Variants in JMJD1C observed in about 807,000 individuals in gnomAD.
JMJD1C encodes the protein jumonji domain-containing protein 1C.
Under a neutral mutation model 245.3 loss-of-function variants are expected in JMJD1C, and 31 were observed. That is an observed-to-expected ratio of 0.13 (90% CI 0.09 to 0.17). The LOEUF is 0.17. Ranked by LOEUF, JMJD1C falls within the 10% of genes least tolerant of loss-of-function variation. JMJD1C has a pLI of 1.00. For missense variants in JMJD1C, 2,691 were observed against 3,000.2 expected (o/e 0.90, Z 2.41); for synonymous variants, 1,057 against 1,017.4 (o/e 1.04, Z -0.74).
chr10:63,517,700 C>T (rs1032235487), intron 1 of JMJD1C, among the ~76,000 whole-genome samples: 5 of 151,960 alleles, frequency 3.3e-5, no homozygotes, highest in Non-Finnish European at 7.4e-5. Context: ...ACTATAAAAG[C>T]TTCTAGGCAG....
intron 2 of JMJD1C, among the ~76,000 whole-genome samples, chr10:63,293,059 AAAAC>A (rs1003217965): frequency 2.0e-5 from 3 of 152,146 alleles, no homozygotes; most frequent in African/African-American, 4.8e-5. Flanking sequence ...ACAAACAAAC[AAAAC>A]AAACAAACCA....
chr10:63,206,086 G>T (rs992578292), intron 10 of JMJD1C, among the ~76,000 whole-genome samples: 2 of 152,162 alleles, frequency 1.3e-5, no homozygotes, highest in Non-Finnish European at 1.5e-5. Flanking sequence ...TTTGGTATCC[G>T]TGGGGGCGTC....
intron 9 of JMJD1C, 23 bp from the exon 10 acceptor site, chr10:63,208,824 T>C (rs1228128931): frequency 1.3e-6 from 2 of 1,533,942 alleles, no homozygotes. Flanking sequence ...TACACAAATA[T>C]TTCTGTAACC....
At chr10:63,237,858 T>C (rs1850932936) in intron 3 of JMJD1C, among the ~76,000 whole-genome samples, 1 of 151,604 alleles carries the variant, frequency 6.6e-6, no homozygotes, top group Admixed American at 6.6e-5. Flanking sequence ...ACATAAGAAA[T>C]GTGTTAAATT....
chr10:63,394,132 A>T (rs994337347), intron 1 of JMJD1C, among the ~76,000 whole-genome samples: 8 of 149,682 alleles, frequency 5.3e-5, no homozygotes, highest in Non-Finnish European at 1.0e-4. Context: ...GGTTATAGTG[A>T]GCCGAGACTG....
chr10:63,319,751 T>C (rs1257172284), intron 2 of JMJD1C, among the ~76,000 whole-genome samples: 4 of 152,200 alleles, frequency 2.6e-5, no homozygotes, highest in Non-Finnish European at 4.4e-5. Flanking sequence ...AATTCTGTTA[T>C]TCATCTTTTT....
intron 1 of JMJD1C, among the ~76,000 whole-genome samples, chr10:63,386,764 C>A (rs1051573017): frequency 6.6e-6 from 1 of 152,178 alleles, no homozygotes; most frequent in Non-Finnish European, 1.5e-5. Flanking sequence ...CTGACATCAA[C>A]TATGCCACGC....
chr10:63,226,955 C>A (rs932987427), intron 3 of JMJD1C, among the ~76,000 whole-genome samples: 1 of 152,016 alleles, frequency 6.6e-6, no homozygotes, highest in Non-Finnish European at 1.5e-5. Context: ...ATAATCCCAG[C>A]TACTCGGGAG....
At chr10:63,386,424 T>C (rs967795982) in intron 1 of JMJD1C, among the ~76,000 whole-genome samples, 2 of 152,130 alleles carry the variant, frequency 1.3e-5, no homozygotes, top group African/African-American at 4.8e-5. Context: ...AGTCTGGGGA[T>C]CATGCCACCC....
At chr10:63,297,242 A>G (rs117253598) in intron 2 of JMJD1C, among the ~76,000 whole-genome samples, 129 of 152,356 alleles carry the variant, frequency 8.5e-4, no homozygotes, top group Non-Finnish European at 1.6e-3. Context: ...TCCAACCCAG[A>G]GAACTTCCTT....
At chr10:63,448,899 C>T (rs1010345945) in intron 1 of JMJD1C, among the ~76,000 whole-genome samples, 3 of 152,044 alleles carry the variant, frequency 2.0e-5, no homozygotes, top group African/African-American at 7.2e-5. Flanking sequence ...GGCGAATCAC[C>T]TGAAGTCAGG....
chr10:63,405,751 AAAGTAG>A (rs1186685070), intron 1 of JMJD1C, among the ~76,000 whole-genome samples: 2 of 152,214 alleles, frequency 1.3e-5, no homozygotes, highest in African/African-American at 4.8e-5. Flanking sequence ...ATTTCCTGTG[AAAGTAG>A]TAACTCTAGT....
intron 1 of JMJD1C, among the ~76,000 whole-genome samples, chr10:63,447,843 GCAGGAGAAT>G (rs1951805184): frequency 6.6e-6 from 1 of 151,944 alleles, no homozygotes; most frequent in Admixed American, 6.6e-5. Flanking sequence ...GGAGGCTCAG[GCAGGAGAAT>G]CACTTGAACC....
At chr10:63,496,823 A>G (rs541655649) in intron 1 of JMJD1C, among the ~76,000 whole-genome samples, 1 of 152,324 alleles carries the variant, frequency 6.6e-6, no homozygotes, top group East Asian at 1.9e-4. Context: ...AACGTGACAT[A>G]TGTCAGTTCT....
chr10:63,373,421 A>G (rs1946466909), intron 2 of JMJD1C, among the ~76,000 whole-genome samples: 1 of 152,254 alleles, frequency 6.6e-6, no homozygotes, highest in African/African-American at 2.4e-5. Flanking sequence ...ACTTTAAAAT[A>G]TGTTAATGAG....
At chr10:63,491,748 C>T (rs144437777) in intron 1 of JMJD1C, among the ~76,000 whole-genome samples, 1 of 152,328 alleles carries the variant, frequency 6.6e-6, no homozygotes, top group South Asian at 2.1e-4. Context: ...ATAGCTACAA[C>T]CCCCCTCCAG....
chr10:63,414,688 G>T (rs1475072856), intron 1 of JMJD1C, among the ~76,000 whole-genome samples: 1 of 151,998 alleles, frequency 6.6e-6, no homozygotes, highest in African/African-American at 2.4e-5. Flanking sequence ...AGGAATTCAA[G>T]ACCAGCCTGG....
intron 1 of JMJD1C, among the ~76,000 whole-genome samples, chr10:63,451,781 A>C (rs559625827): frequency 1.3e-5 from 2 of 152,268 alleles, no homozygotes; most frequent in East Asian, 3.9e-4. Context: ...CCAGAGATAA[A>C]CCCCTGCATA....
At chr10:63,429,044 G>C (rs938227882) in intron 1 of JMJD1C, among the ~76,000 whole-genome samples, 4 of 152,090 alleles carry the variant, frequency 2.6e-5, no homozygotes, top group African/African-American at 7.2e-5. Context: ...GCAATGGCAC[G>C]ATCTCAGCTT....
Sources: gnomAD v4.1 joint callset for allele counts (sites outside exome capture counted in the v4.1 genomes callset) on GRCh38, gnomAD v4.1.1 for gene constraint, MANE v1.5 for transcripts, NCBI Gene and HGNC (gene_info 2026-07-23, HGNC 2026-07-21) for gene names.